IMMP2L: variants seen among roughly 807,000 people sequenced by gnomAD.
IMMP2L encodes mitochondrial inner membrane protease subunit 2.
A neutral mutation model predicts 19.3 loss-of-function variants in IMMP2L; 18 were observed. The ratio of observed to expected loss-of-function variants is 0.93; its 90% CI spans 0.64 to 1.38. The LOEUF (loss-of-function observed/expected upper bound fraction) is 1.38. IMMP2L is among the 40% of genes most tolerant of loss of function. The pLI is 0.00. For missense variants in IMMP2L, 233 were observed against 218.2 expected, an observed-to-expected ratio of 1.07 and a Z score of -0.43; for synonymous variants, 76 against 73.0, an observed-to-expected ratio of 1.04 and a Z score of -0.21.
In IMMP2L at chr7:110,768,659, T is replaced by A. The variant is rs142566108; in HGVS notation, c.409-104938A>T. ...CCTCCCTCCCGGGCCAGCTTCCGCT[T>A]ATCCTATGGACCTCTCAGTGCAGAC... On this transcript the variant is annotated intron_variant, in intron 5 of 5. Coordinates refer to ENST00000405709, the MANE Select transcript of IMMP2L (RefSeq NM_032549.4). 5.4e-3 allele frequency among the ~76,000 whole-genome samples: 825 copies of A among 152,306 alleles called. 5 individuals are homozygous for A. Among genetic ancestry groups the A allele is most frequent in the South Asian group, 0.014 (68 of 4,826 alleles).
At chr7:111,359,557 C>T (rs1160053115) in intron 3 of IMMP2L, among the ~76,000 whole-genome samples, 1 of 152,018 alleles carries the variant, frequency 6.6e-6, no homozygotes, top group Non-Finnish European at 1.5e-5. Context: ...CTGCCTCAGC[C>T]TCCCAAAGTG....
intron 5 of IMMP2L, among the ~76,000 whole-genome samples, chr7:110,798,914 C>G (rs1211588047): frequency 6.6e-6 from 1 of 151,866 alleles, no homozygotes; most frequent in Non-Finnish European, 1.5e-5. Flanking sequence ...CATCAATAGC[C>G]TCTTGCAGAT....
chr7:111,513,512 T>C (rs1405012502), intron 2 of IMMP2L, among the ~76,000 whole-genome samples: 3 of 152,102 alleles, frequency 2.0e-5, no homozygotes, highest in Non-Finnish European at 4.4e-5. Flanking sequence ...TTGGTAGGAA[T>C]GTAAATTAGT....
intron 5 of IMMP2L, among the ~76,000 whole-genome samples, chr7:110,827,236 C>A (rs1399776043): frequency 1.3e-5 from 2 of 152,108 alleles, no homozygotes; most frequent in Non-Finnish European, 2.9e-5. Context: ...CAGAGATAAG[C>A]AACCCACCCA....
rs146047428 is a variant in IMMP2L at position 111,321,214 on chromosome 7, G to A, written c.239+166024C>T. Among the ~76,000 whole-genome samples, 195 of 151,934 alleles carry A rather than the reference G, an allele frequency of 1.3e-3. 2 individuals carry two copies. The highest frequency in any genetic ancestry group is 4.4e-3 in the African/African-American group (182 of 41,482). The stretch of plus-strand genomic sequence containing the variant: ...TTGACTTACCCTTATTTGCTCCTAC[G>A]ATAATACCAAAAAAGCATCTGTCCA... On this transcript the variant is annotated intron_variant, in intron 3 of 5. Transcript: ENST00000405709.
chr7:111,415,087 T>C (rs1049683382), intron 3 of IMMP2L, among the ~76,000 whole-genome samples: 2 of 151,738 alleles, frequency 1.3e-5, no homozygotes, highest in African/African-American at 4.9e-5. Flanking sequence ...ATTCTGGGAG[T>C]CCTTAAAAGG....
intron 3 of IMMP2L, among the ~76,000 whole-genome samples, chr7:111,215,185 A>G (rs1423081678): frequency 1.3e-5 from 2 of 152,164 alleles, no homozygotes; most frequent in Non-Finnish European, 2.9e-5. Context: ...AAACAAAAAT[A>G]GAAGTACTCT....
chr7:111,049,194 C>A (rs574603116), intron 3 of IMMP2L, among the ~76,000 whole-genome samples: 1 of 129,696 alleles, frequency 7.7e-6, no homozygotes, highest in African/African-American at 2.9e-5. Flanking sequence ...GCAGTGGCGT[C>A]ATCTCGGCTC....
At chr7:110,882,826 T>A (rs575700916) in intron 5 of IMMP2L, among the ~76,000 whole-genome samples, 209 of 152,072 alleles carry the variant, frequency 1.4e-3, no homozygotes, top group Admixed American at 3.2e-3. Context: ...AAAACAGGTA[T>A]GACTAGATAC....
At chr7:111,370,625 T>C (rs886502334) in intron 3 of IMMP2L, among the ~76,000 whole-genome samples, 1 of 151,942 alleles carries the variant, frequency 6.6e-6, no homozygotes, top group South Asian at 2.1e-4. Context: ...ATCTAGATAG[T>C]GATGAAGCAT....
intron 3 of IMMP2L, among the ~76,000 whole-genome samples, chr7:111,357,807 C>G (rs1409915891): frequency 1.3e-5 from 2 of 151,922 alleles, no homozygotes; most frequent in African/African-American, 2.4e-5. Context: ...ATATACTTAT[C>G]CATTTCTATC....
chr7:110,730,161 TC>T (rs1350493560), intron 5 of IMMP2L, among the ~76,000 whole-genome samples: 1 of 152,140 alleles, frequency 6.6e-6, no homozygotes, highest in Non-Finnish European at 1.5e-5. Flanking sequence ...AAATTATTGT[TC>T]CTGGGTGCGT....
intron 3 of IMMP2L, among the ~76,000 whole-genome samples, chr7:111,084,108 C>G (rs1796106304): frequency 6.6e-6 from 1 of 151,766 alleles, no homozygotes; most frequent in Non-Finnish European, 1.5e-5. Context: ...AAAGATGAGA[C>G]TGGAAGCAGG....
At chr7:111,212,664 A>G (rs1301694703) in intron 3 of IMMP2L, among the ~76,000 whole-genome samples, 1 of 152,220 alleles carries the variant, frequency 6.6e-6, no homozygotes, top group Non-Finnish European at 1.5e-5. Flanking sequence ...CCACCATCAT[A>G]AAAATATAAA....
intron 5 of IMMP2L, among the ~76,000 whole-genome samples, chr7:110,817,038 G>A (rs2131307455): frequency 6.6e-6 from 1 of 152,106 alleles, no homozygotes; most frequent in East Asian, 1.9e-4. Context: ...TTGCTCATTA[G>A]TTGATGCAGT....
chr7:111,446,876 C>T (rs1193672190), intron 3 of IMMP2L, among the ~76,000 whole-genome samples: 1 of 150,846 alleles, frequency 6.6e-6, no homozygotes, highest in Non-Finnish European at 1.5e-5. Flanking sequence ...GCTGATGGAG[C>T]TGAAAACCAA....
In IMMP2L at chr7:111,478,559, T is replaced by TTTTGTTTGTTTGTTTG. The variant is rs3052922; in HGVS notation, c.239+8663_239+8678dup. ...ACAGGCATGCAACACCATGCCCAGCTTTTGTTTGTTTGTTTGTTTGTTTGT... is the reference window on the plus strand; with the variant it reads ...ACAGGCATGCAACACCATGCCCAGCTTTTGTTTGTTTGTTTGTTTGTTTGTTTGTTTGTTTGTTTGT... On this transcript the variant is annotated intron_variant, in intron 3 of 5. Coordinates refer to ENST00000405709, the MANE Select transcript of IMMP2L (RefSeq NM_032549.4). 2.7e-5 allele frequency among the ~76,000 whole-genome samples: 4 copies of TTTTGTTTGTTTGTTTG among 148,862 alleles called. No homozygotes were observed. In the East Asian group the frequency reaches 6.1e-4, roughly 23 times the overall value.
intron 3 of IMMP2L, among the ~76,000 whole-genome samples, chr7:111,004,520 T>A (rs1342193994): frequency 6.6e-6 from 1 of 152,234 alleles, no homozygotes; most frequent in South Asian, 2.1e-4. Flanking sequence ...AATAACTGGA[T>A]AAATGTCAGT....
At chr7:110,873,391 C>T (rs1808717047) in intron 5 of IMMP2L, among the ~76,000 whole-genome samples, 1 of 128,570 alleles carries the variant, frequency 7.8e-6, no homozygotes, top group Admixed American at 9.3e-5. Flanking sequence ...ATGTGCCACA[C>T]TGCACTCAAG....
Sources: gnomAD v4.1 joint callset for allele counts (sites outside exome capture counted in the v4.1 genomes callset) on GRCh38, gnomAD v4.1.1 for gene constraint, MANE v1.5 for transcripts, NCBI Gene and HGNC (gene_info 2026-07-23, HGNC 2026-07-21) for gene names.